WDR25: variants seen among roughly 807,000 people sequenced by gnomAD.
The protein encoded by WDR25 is WD repeat-containing protein 25.
Under a neutral mutation model 47.7 loss-of-function variants are expected in WDR25, and 35 were observed. The ratio of observed to expected loss-of-function variants is 0.73; its 90% CI spans 0.56 to 0.97. The LOEUF is 0.97. Among genes scored for constraint, WDR25 ranks in the 50% least tolerant of loss-of-function variants. The pLI is 0.00. For missense variants in WDR25, 634 were observed against 704.7 expected, an observed-to-expected ratio of 0.90 and a Z score of 1.14; for synonymous variants, 248 against 278.9, an observed-to-expected ratio of 0.89 and a Z score of 1.10.
intron 4 of WDR25, among the ~76,000 whole-genome samples, chr14:100,518,648 TG>T (rs957391962): frequency 7.9e-5 from 12 of 152,128 alleles, no homozygotes; most frequent in Non-Finnish European, 1.5e-4. Flanking sequence ...CCTAGCACTT[TG>T]GGAGGCCAAG....
intron 2 of WDR25, among the ~76,000 whole-genome samples, chr14:100,467,243 C>T (rs1200524600): frequency 6.6e-6 from 1 of 152,184 alleles, no homozygotes; most frequent in Admixed American, 6.5e-5. Context: ...ATGAAAATAG[C>T]CTGGACTTGG....
chr14:100,519,267 G>A (rs1365016218), intron 4 of WDR25, among the ~76,000 whole-genome samples: 1 of 119,138 alleles, frequency 8.4e-6, no homozygotes, highest in East Asian at 2.2e-4. Flanking sequence ...TTATAGGGGG[G>A]AGAGAGAGAG....
At position 100,468,396 on chromosome 14, in the gene WDR25, AAGGTTGTCTC is replaced by A. The variant is rs1899716663; in HGVS notation, c.970+231_970+240del. Reference sequence around the variant, plus strand: ...CAGCCAACACAGAGGACAGAGCCCCAAGGTTGTCTCAGCCTCAAGCCATGGGGCTGGATAA... The same window carrying A: ...CAGCCAACACAGAGGACAGAGCCCCAAGCCTCAAGCCATGGGGCTGGATAA... On this transcript the variant is annotated intron_variant, in intron 3 of 6. Transcript: ENST00000402312. This position sits in a 1 kb window ranked among gnomAD's most constrained non-coding sequence, Gnocchi z 4.5. 1.3e-5 allele frequency among the ~76,000 whole-genome samples: 2 copies of A among 152,188 alleles called. No individual in the cohort carries two copies. The highest frequency in any genetic ancestry group is 1.5e-5 in the Non-Finnish European group (1 of 68,026).
Position 100,381,058 on chromosome 14 carries a change from C to T in WDR25, c.134C>T (p.Pro45Leu), listed in dbSNP as rs758795991. 1.2e-6 allele frequency: 2 copies of T among 1,614,086 alleles called. No homozygotes were observed. The highest frequency in any genetic ancestry group is 2.7e-5 in the African/African-American group (2 of 74,924). The change falls in exon 2 of 7, where the codon CCA (proline) becomes CTA (leucine). Residue 45 changes from proline (P) to leucine (L), a missense_variant. Physicochemically the swap from Pro to Leu is moderately conservative, Grantham distance 98. Transcript: ENST00000402312. ...QQKDTSGVARPPGQDFASGTL... is the reference protein window; with the variant it reads ...QQKDTSGVARLPGQDFASGTL... ...AAAGACACTTCTGGTGTGGCCAGACCACCTGGGCAGGATTTTGCATCTGGT... is the reference window on the plus strand; with the variant it reads ...AAAGACACTTCTGGTGTGGCCAGACTACCTGGGCAGGATTTTGCATCTGGT...
rs192735330 is a variant in WDR25 at position 100,480,707 on chromosome 14, C to T, written c.971-3287C>T. On this transcript the variant is annotated intron_variant, in intron 3 of 6. Transcript: ENST00000402312. Reference sequence around the variant, plus strand: ...TGTTTTTCTAATCTGTTTTAAAATCCTTTAAGTGAAAATTTCAGTGGATTT... The same window carrying T: ...TGTTTTTCTAATCTGTTTTAAAATCTTTTAAGTGAAAATTTCAGTGGATTT... Among the ~76,000 whole-genome samples, 3 of 152,234 alleles carry T rather than the reference C, an allele frequency of 2.0e-5. No individual in the cohort carries two copies. The East Asian group carries it at 5.8e-4, about 29-fold the overall frequency.
At chr14:100,427,063 A>T (rs1413913550) in intron 2 of WDR25, among the ~76,000 whole-genome samples, 2 of 152,092 alleles carry the variant, frequency 1.3e-5, no homozygotes, top group South Asian at 4.1e-4. Context: ...GTGTCTTCCA[A>T]GGCCTTCTGG....
At chr14:100,496,877 T>C (rs1285987878) in intron 4 of WDR25, among the ~76,000 whole-genome samples, 1 of 126,646 alleles carries the variant, frequency 7.9e-6, no homozygotes, top group Non-Finnish European at 1.6e-5. Context: ...GCTCTGTCCC[T>C]TAGGCTGGAG....
At chr14:100,434,293 T>C (rs538207501) in intron 2 of WDR25, among the ~76,000 whole-genome samples, 1 of 152,350 alleles carries the variant, frequency 6.6e-6, no homozygotes, top group East Asian at 1.9e-4. Context: ...GTGGGGTTCA[T>C]TCTGCCCTTT....
At chr14:100,476,126 C>T (rs550977974) in intron 3 of WDR25, among the ~76,000 whole-genome samples, 9 of 152,300 alleles carry the variant, frequency 5.9e-5, no homozygotes, top group African/African-American at 2.2e-4. Flanking sequence ...TTCTCACAAC[C>T]ACCTTTTGTG....
At chr14:100,455,079 T>C (rs146132370) in intron 2 of WDR25, 1 of 152,406 alleles carries the variant, frequency 6.6e-6, no homozygotes, top group Non-Finnish European at 1.5e-5. Context: ...AAGGAGCTTA[T>C]TGCCAAGATG....
chr14:100,420,244 C>T (rs1897988524), intron 2 of WDR25, among the ~76,000 whole-genome samples: 1 of 152,276 alleles, frequency 6.6e-6, no homozygotes, highest in Non-Finnish European at 1.5e-5. Context: ...CTTCCCTCCA[C>T]TGGCTTGGAC....
intron 2 of WDR25, among the ~76,000 whole-genome samples, chr14:100,402,862 G>A (rs1050018425): frequency 6.6e-6 from 1 of 152,106 alleles, no homozygotes; most frequent in Admixed American, 6.5e-5. Flanking sequence ...CCAGGGGCAC[G>A]AAATAAAATG....
chr14:100,480,995 G>A lies in WDR25; in HGVS notation c.971-2999G>A, dbSNP rs1434102575. ...CTCTGCTGAAGGGGCCACCAAGGAA[G>A]AGCCCAAGAGGAGACTGGTGCAGTT... On this transcript the variant is annotated intron_variant, in intron 3 of 6. Transcript: ENST00000402312. 9.3e-6 allele frequency: 4 copies of A among 428,916 alleles called. No homozygotes were observed. In the Admixed American group the frequency reaches 9.5e-5, roughly 10 times the overall value. The allele number at this position is 428,916 out of a possible 1,614,324, so 26.6% of individuals were successfully genotyped here. A position where few individuals can be genotyped will look rare whatever the true frequency, so the allele number is the denominator to read the frequency against.
chr14:100,378,288 G>A (rs1896780293), intron 1 of WDR25, among the ~76,000 whole-genome samples: 1 of 151,870 alleles, frequency 6.6e-6, no homozygotes, highest in African/African-American at 2.4e-5. Context: ...TCCTGCCTCA[G>A]CCTCCCGAGT....
intron 4 of WDR25, among the ~76,000 whole-genome samples, chr14:100,508,623 AC>A (rs1277918167): frequency 6.6e-6 from 1 of 152,204 alleles, no homozygotes; most frequent in Non-Finnish European, 1.5e-5. Context: ...TATTACAATG[AC>A]TAGAACTTTC....
At chr14:100,399,077 CTTTTTTCTTTT>C (rs1897319887) in intron 2 of WDR25, among the ~76,000 whole-genome samples, 1 of 145,908 alleles carries the variant, frequency 6.9e-6, no homozygotes, top group African/African-American at 2.8e-5. Context: ...TTTCTCATTC[CTTTTTTCTTTT>C]TTTTTTCTTC....
intron 3 of WDR25, 30 bp from the exon 4 acceptor site, chr14:100,483,964 C>A (rs1900293075): frequency 6.3e-7 from 1 of 1,594,578 alleles, no homozygotes; most frequent in Non-Finnish European, 8.5e-7. Flanking sequence ...TAAGTACTTT[C>A]TAACCCTCTC....
At position 100,440,864 on chromosome 14, in the gene WDR25, A is replaced by G. The variant is rs1249690799; in HGVS notation, c.823-27157A>G. ...ATACCAGGCTGTCATTTGGCCAGAG[A>G]TTGTCTGCACTGGGATTGTTCCCCC... is the stretch of plus-strand genomic sequence containing the variant. On this transcript the variant is annotated intron_variant, in intron 2 of 6. Coordinates refer to ENST00000402312, the MANE Select transcript of WDR25 (RefSeq NM_001161476.3). This position sits in a 1 kb window ranked among gnomAD's most constrained non-coding sequence, Gnocchi z 4.4. Among the ~76,000 whole-genome samples, 1 of 152,172 alleles carries G rather than the reference A, an allele frequency of 6.6e-6. No individual in the cohort carries two copies. Among genetic ancestry groups the G allele is most frequent in the Admixed American group, 6.5e-5 (1 of 15,274 alleles).
Position 100,410,609 on chromosome 14 carries a change from G to A in WDR25, c.822+28863G>A, listed in dbSNP as rs1897679754. ...AGACATGGGTCCGTCCTTGCACGGA[G>A]GACAGCCCGTGCCGAGGCTGAGAAG... is the stretch of plus-strand genomic sequence containing the variant. On this transcript the variant is annotated intron_variant, in intron 2 of 6. Coordinates refer to ENST00000402312, the MANE Select transcript of WDR25 (RefSeq NM_001161476.3). 3.3e-5 allele frequency among the ~76,000 whole-genome samples: 5 copies of A among 152,234 alleles called. No homozygotes were observed. The South Asian group carries it at 1.0e-3, about 32-fold the overall frequency.
Sources: gnomAD v4.1 joint callset for allele counts (sites outside exome capture counted in the v4.1 genomes callset) on GRCh38, gnomAD v4.1.1 for gene constraint, Gnocchi (gnomAD v3.1) non-coding constraint, MANE v1.5 for transcripts, NCBI Gene and HGNC (gene_info 2026-07-23, HGNC 2026-07-21) for gene names.